The following COBL variants were observed in gnomAD, a reference collection of about 807,000 sequenced individuals.
The protein encoded by COBL is protein cordon-bleu.
A neutral mutation model predicts 98.8 loss-of-function variants in COBL; 51 were observed. The observed-to-expected ratio is 0.52, with a 90% confidence interval of 0.41 to 0.65. The LOEUF (loss-of-function observed/expected upper bound fraction) is 0.65, where lower values mean the gene tolerates loss of function less well. Ranked by LOEUF, COBL falls within the 30% of genes least tolerant of loss-of-function variation. COBL has a pLI of 0.00. For missense variants in COBL, 1,617 were observed against 1,617.5 expected (o/e 1.00, Z 0.01); for synonymous variants, 634 against 651.7 (o/e 0.97, Z 0.41).
rs561844408 is a variant in COBL, at chr7:51,243,903, T to C, written c.42-23959A>G. Among the ~76,000 whole-genome samples the C allele has an allele frequency of 7.2e-5, 11 of 152,268 alleles. 1 individual carries two copies. In the South Asian group the frequency reaches 2.3e-3, roughly 32 times the overall value. ...TCTTCTTGGTTTTGGTATTGTCCTA[T>C]ACTACAGATGACACAACCACGGGGA... On this transcript the variant is annotated intron_variant, in intron 1 of 12. Transcript: ENST00000265136.
At chr7:51,249,829 A>AC (rs1015943220) in intron 1 of COBL, among the ~76,000 whole-genome samples, 7 of 152,046 alleles carry the variant, frequency 4.6e-5, no homozygotes, top group African/African-American at 1.7e-4. Flanking sequence ...GAAGAAGAAC[A>AC]TTTTTCAAAC....
chr7:51,234,320 C>T (rs947523832), intron 1 of COBL, among the ~76,000 whole-genome samples: 1 of 152,234 alleles, frequency 6.6e-6, no homozygotes, highest in Non-Finnish European at 1.5e-5. Context: ...GTTAGACCTG[C>T]GGCCACCCAC....
At chr7:51,243,858 G>A (rs1159333361) in intron 1 of COBL, among the ~76,000 whole-genome samples, 4 of 152,122 alleles carry the variant, frequency 2.6e-5, no homozygotes, top group South Asian at 2.1e-4. Context: ...TGCACGTGGC[G>A]GGCACCCGTG....
intron 1 of COBL, among the ~76,000 whole-genome samples, chr7:51,230,688 A>G (rs572434132): frequency 6.6e-6 from 1 of 152,324 alleles, no homozygotes; most frequent in African/African-American, 2.4e-5. Context: ...CATTCTTCCT[A>G]ATGCAAACAC....
intron 5 of COBL, among the ~76,000 whole-genome samples, chr7:51,136,986 A>G (rs1428369802): frequency 6.6e-6 from 1 of 152,240 alleles, no homozygotes; most frequent in Non-Finnish European, 1.5e-5. Flanking sequence ...AGGCTACAGG[A>G]CACACAAACT....
intron 1 of COBL, among the ~76,000 whole-genome samples, chr7:51,313,107 A>C (rs1391504282): frequency 6.6e-6 from 1 of 152,228 alleles, no homozygotes; most frequent in African/African-American, 2.4e-5. Flanking sequence ...ATAATGCTCA[A>C]ATCTAACGGG....
At chr7:51,077,183 T>A (rs1583701263) in intron 7 of COBL, among the ~76,000 whole-genome samples, 1 of 152,208 alleles carries the variant, frequency 6.6e-6, no homozygotes, top group Non-Finnish European at 1.5e-5. Context: ...TCTGTGTACA[T>A]GATTAGATAT....
At chr7:51,057,230 T>C (rs1318595691) in intron 7 of COBL, among the ~76,000 whole-genome samples, 2 of 152,232 alleles carry the variant, frequency 1.3e-5, no homozygotes, top group East Asian at 3.8e-4. Flanking sequence ...ATTTCATTGC[T>C]AGTCATTGTT....
At chr7:51,122,392 T>C (rs1583867088) in intron 6 of COBL, among the ~76,000 whole-genome samples, 2 of 152,276 alleles carry the variant, frequency 1.3e-5, no homozygotes, top group South Asian at 2.1e-4. Flanking sequence ...TCGGCTTCCT[T>C]TGTGCCTCTG....
At chr7:51,277,621 A>T (rs1799428886) in intron 1 of COBL, among the ~76,000 whole-genome samples, 1 of 152,110 alleles carries the variant, frequency 6.6e-6, no homozygotes, top group South Asian at 2.1e-4. Flanking sequence ...AACAAATAGC[A>T]AGTTGGACAG....
At chr7:51,248,250 T>C (rs1584301522) in intron 1 of COBL, among the ~76,000 whole-genome samples, 2 of 152,236 alleles carry the variant, frequency 1.3e-5, no homozygotes, top group Admixed American at 6.5e-5. Flanking sequence ...ATTCATATCA[T>C]AAAACTTACA....
intron 8 of COBL, among the ~76,000 whole-genome samples, chr7:51,037,948 T>G (rs576996067): frequency 1.3e-5 from 2 of 152,208 alleles, no homozygotes; most frequent in East Asian, 3.9e-4. Flanking sequence ...GCCTCCTGGG[T>G]TCAAGTGATT....
At chr7:51,234,426 C>T (rs763059939) in intron 1 of COBL, among the ~76,000 whole-genome samples, 6 of 152,194 alleles carry the variant, frequency 3.9e-5, no homozygotes, top group East Asian at 1.9e-4. Flanking sequence ...AAAGGCCGAG[C>T]GCAGTGACTC....
chr7:51,133,148 G>A (rs1798908641), intron 6 of COBL, among the ~76,000 whole-genome samples: 1 of 152,128 alleles, frequency 6.6e-6, no homozygotes, highest in Admixed American at 6.5e-5. Context: ...GATGGTGAGA[G>A]GACAGTGTGG....
At chr7:51,285,025 G>A (rs1200944909) in intron 1 of COBL, among the ~76,000 whole-genome samples, 2 of 149,342 alleles carry the variant, frequency 1.3e-5, no homozygotes, top group Non-Finnish European at 3.0e-5. Context: ...TTGGCTCACT[G>A]CAACCTCTAC....
At chr7:51,139,040 A>G in intron 5 of COBL, among the ~76,000 whole-genome samples, 1 of 152,186 alleles carries the variant, frequency 6.6e-6, no homozygotes, top group African/African-American at 2.4e-5. Context: ...AGAACTTTAC[A>G]GCCCCCTTCC....
At chr7:51,159,097 C>T (rs1156506794) in intron 5 of COBL, among the ~76,000 whole-genome samples, 3 of 152,122 alleles carry the variant, frequency 2.0e-5, no homozygotes, top group Non-Finnish European at 1.5e-5. Context: ...AGGAGGGCAG[C>T]GGGGGCGGCG....
intron 6 of COBL, among the ~76,000 whole-genome samples, chr7:51,092,377 C>G (rs1794895879): frequency 6.6e-6 from 1 of 152,150 alleles, no homozygotes; most frequent in African/African-American, 2.4e-5. Context: ...TAGAGCTTCC[C>G]TCTATGTTTT....
intron 6 of COBL, among the ~76,000 whole-genome samples, chr7:51,131,077 TCATCA>T (rs1488846867): frequency 6.6e-6 from 1 of 152,170 alleles, no homozygotes; most frequent in Non-Finnish European, 1.5e-5. Context: ...ACAGCCTCCA[TCATCA>T]CTTATTTTAA....
Sources: allele counts gnomAD v4.1 joint callset (sites outside exome capture counted in the v4.1 genomes callset), GRCh38; gene constraint gnomAD v4.1.1; transcripts MANE v1.5; gene names NCBI Gene and HGNC (gene_info 2026-07-23, HGNC 2026-07-21).